CABCOCO1: variants seen among roughly 807,000 people sequenced by gnomAD.
CABCOCO1 encodes ciliary associated calcium binding coiled-coil 1.
CABCOCO1 carries 28 observed loss-of-function variants against 35.7 expected under a neutral mutation model. The observed-to-expected ratio is 0.78, with a 90% CI of 0.58 to 1.07. The LOEUF (loss-of-function observed/expected upper bound fraction) is 1.07. Ranked by LOEUF, CABCOCO1 falls within the 50% of genes least tolerant of loss-of-function variation. The pLI is 0.00. For missense variants in CABCOCO1, 326 were observed against 309.2 expected, an observed-to-expected ratio of 1.05 and a Z score of -0.41; for synonymous variants, 95 against 100.1, an observed-to-expected ratio of 0.95 and a Z score of 0.30.
intron 1 of CABCOCO1, 100 bp downstream of exon 1, chr10:61,663,132 C>G (rs1839056777): frequency 9.7e-6 from 2 of 206,032 alleles, no homozygotes; most frequent in Non-Finnish European, 2.3e-5. Flanking sequence ...CAAATCCGGT[C>G]TCCGAAGAGG....
At chr10:61,709,952 C>G (rs1049401105) in intron 5 of CABCOCO1, among the ~76,000 whole-genome samples, 1 of 151,808 alleles carries the variant, frequency 6.6e-6, no homozygotes. Flanking sequence ...AGAGGGAGAA[C>G]GACTTGAATT....
chr10:61,751,073 A>C (rs1841772105), intron 5 of CABCOCO1, among the ~76,000 whole-genome samples: 1 of 152,038 alleles, frequency 6.6e-6, no homozygotes, highest in African/African-American at 2.4e-5. Context: ...GCTGGGTGGA[A>C]AGTCCAGGTG....
Position 61,686,289 on chromosome 10 carries a change from G to T in CABCOCO1, c.479+104G>T, listed in dbSNP as rs548595323. The T allele has an allele frequency of 2.5e-5, 25 of 1,017,240 alleles. No individual in the cohort carries two copies. In the African/African-American group the frequency reaches 3.7e-4, roughly 15 times the overall value. The allele number at this position is 1,017,240 out of a possible 1,614,324, so 63.0% of individuals were successfully genotyped here. A position where few individuals can be genotyped will look rare whatever the true frequency, so the allele number is the denominator to read the frequency against. The stretch of plus-strand genomic sequence containing the variant: ...TTTTTAGCAGATTCAGATATTTACA[G>T]AATTTATGCCATAATTAGCCCAATC... On this transcript the variant is annotated intron_variant, in intron 4 of 7. Transcript: ENST00000648843.
intron 5 of CABCOCO1, among the ~76,000 whole-genome samples, chr10:61,739,418 T>C (rs990652215): frequency 6.6e-6 from 1 of 152,238 alleles, no homozygotes; most frequent in Admixed American, 6.5e-5. Flanking sequence ...TTTTAAATTC[T>C]ATCTTTGGTA....
rs754736611 is a variant in CABCOCO1, at chr10:61,766,290, A to G, written c.*277A>G. The G allele has an allele frequency of 9.9e-5, 21 of 211,314 alleles. No individual in the cohort carries two copies. Among genetic ancestry groups the G allele is most frequent in the Non-Finnish European group, 1.8e-4 (19 of 105,948 alleles). 13.1% of individuals were successfully genotyped at this position (211,314 alleles called of 1,614,324 possible). On this transcript the variant is annotated 3_prime_UTR_variant, in exon 8 of 8. Coordinates refer to ENST00000648843, the MANE Select transcript of CABCOCO1 (RefSeq NM_001366906.2). ...ATATAAAAATACAATTACTTTTATG[A>G]TAGTCCTTTGACGTTTTGACTAATA...
At chr10:61,709,995 T>C (rs1204720431) in intron 5 of CABCOCO1, among the ~76,000 whole-genome samples, 1 of 151,980 alleles carries the variant, frequency 6.6e-6, no homozygotes, top group Non-Finnish European at 1.5e-5. Context: ...AATAAACACT[T>C]TACATAATTT....
At chr10:61,668,310 T>C (rs1334384628) in intron 1 of CABCOCO1, among the ~76,000 whole-genome samples, 4 of 152,016 alleles carry the variant, frequency 2.6e-5, no homozygotes, top group African/African-American at 7.2e-5. Flanking sequence ...GGTTTATAAT[T>C]TCCTTTTTTG....
intron 5 of CABCOCO1, among the ~76,000 whole-genome samples, chr10:61,758,302 G>A (rs1477802933): frequency 6.6e-6 from 1 of 151,978 alleles, no homozygotes; most frequent in East Asian, 1.9e-4. Context: ...GCTAAAATAT[G>A]TTTAGCTGTC....
intron 5 of CABCOCO1, among the ~76,000 whole-genome samples, chr10:61,745,101 T>C (rs962552462): frequency 2.6e-5 from 4 of 152,216 alleles, no homozygotes; most frequent in African/African-American, 9.6e-5. Context: ...GGGATTTTTA[T>C]ATCTAGCTAT....
intron 5 of CABCOCO1, among the ~76,000 whole-genome samples, chr10:61,734,554 A>C (rs1396878090): frequency 6.6e-6 from 1 of 152,092 alleles, no homozygotes; most frequent in East Asian, 1.9e-4. Flanking sequence ...GAGAAAAACC[A>C]GGAAGTTTTA....
At chr10:61,680,704 T>TAC (rs1839755615) in intron 2 of CABCOCO1, among the ~76,000 whole-genome samples, 1 of 122,550 alleles carries the variant, frequency 8.2e-6, no homozygotes, top group African/African-American at 2.9e-5. Flanking sequence ...ATATATATGT[T>TAC]ATACATGTAT....
chr10:61,764,816 A>G (rs1281227124), intron 7 of CABCOCO1, among the ~76,000 whole-genome samples: 1 of 152,106 alleles, frequency 6.6e-6, no homozygotes, highest in Non-Finnish European at 1.5e-5. Flanking sequence ...CTGAACCCAG[A>G]ATTGTTGGCA....
chr10:61,716,674 T>C (rs563273064), intron 5 of CABCOCO1, among the ~76,000 whole-genome samples: 4 of 152,314 alleles, frequency 2.6e-5, no homozygotes, highest in South Asian at 2.1e-4. Context: ...TTTATGTAAG[T>C]CTTATCTCCT....
chr10:61,728,247 C>T (rs1177716682), intron 5 of CABCOCO1, among the ~76,000 whole-genome samples: 1 of 151,922 alleles, frequency 6.6e-6, no homozygotes, highest in Non-Finnish European at 1.5e-5. Context: ...TTTGTTTTCC[C>T]TTAAATATAT....
chr10:61,727,897 T>C (rs1340373158), intron 5 of CABCOCO1, among the ~76,000 whole-genome samples: 2 of 152,198 alleles, frequency 1.3e-5, no homozygotes, highest in Non-Finnish European at 2.9e-5. Flanking sequence ...ATATATAAAC[T>C]ATTTAAGTCA....
At chr10:61,745,277 G>C (rs558907406) in intron 5 of CABCOCO1, among the ~76,000 whole-genome samples, 1 of 152,184 alleles carries the variant, frequency 6.6e-6, no homozygotes, top group Non-Finnish European at 1.5e-5. Context: ...AATTCTTCCA[G>C]AGCCAAGTTT....
At chr10:61,667,776 C>T (rs1014728907) in intron 1 of CABCOCO1, among the ~76,000 whole-genome samples, 6 of 151,776 alleles carry the variant, frequency 4.0e-5, no homozygotes, top group Non-Finnish European at 7.4e-5. Flanking sequence ...AGTACAATGT[C>T]CACTTTCTTA....
At chr10:61,678,524 T>G (rs996230898) in intron 2 of CABCOCO1, among the ~76,000 whole-genome samples, 6 of 151,804 alleles carry the variant, frequency 4.0e-5, no homozygotes, top group African/African-American at 1.4e-4. Flanking sequence ...ACCTAAAAAT[T>G]AAAAATACAC....
At position 61,680,671 on chromosome 10, in the gene CABCOCO1, C is replaced by CATATATGTTATACATGTATAACAT. The variant is rs375153027; in HGVS notation, c.165-441_165-418dup. Among the ~76,000 whole-genome samples, 66 of 53,420 alleles carry CATATATGTTATACATGTATAACAT rather than the reference C, an allele frequency of 1.2e-3. 7 individuals carry two copies. Among genetic ancestry groups the CATATATGTTATACATGTATAACAT allele is most frequent in the Admixed American group, 3.1e-3 (10 of 3,180 alleles). 35.0% of individuals were successfully genotyped at this position (53,420 alleles called of 152,430 possible). On this transcript the variant is annotated intron_variant, in intron 2 of 7. Transcript: ENST00000648843. ...TATATATTATGTTATACATGTATAA[C>CATATATGTTATACATGTATAACAT]ATATATGTTATACATGTATAACATA... is the stretch of plus-strand genomic sequence containing the variant.
Sources: gnomAD v4.1 joint callset for allele counts (sites outside exome capture counted in the v4.1 genomes callset) on GRCh38, gnomAD v4.1.1 for gene constraint, MANE v1.5 for transcripts, NCBI Gene and HGNC (gene_info 2026-07-23, HGNC 2026-07-21) for gene names.